Variants in PCNX1 observed in about 807,000 individuals in gnomAD.
PCNX1 encodes pecanex 1, also known as pecanex-like protein 1.
Under a neutral mutation model 242.2 loss-of-function variants are expected in PCNX1, and 78 were observed. That is an observed-to-expected ratio of 0.32 (90% CI 0.27 to 0.39). The LOEUF is 0.39. PCNX1 is among the 10% of genes least tolerant of loss of function. The pLI is 1.00. For missense variants in PCNX1, 2,581 were observed against 2,856.5 expected, an observed-to-expected ratio of 0.90 and a Z score of 2.20; for synonymous variants, 1,024 against 1,032.9, an observed-to-expected ratio of 0.99 and a Z score of 0.17.
intron 8 of PCNX1, among the ~76,000 whole-genome samples, chr14:71,004,480 T>A (rs1595206169): frequency 6.6e-6 from 1 of 152,344 alleles, no homozygotes; most frequent in East Asian, 1.9e-4. Context: ...ATGCAAGGGA[T>A]CTAGGTTGCC....
intron 24 of PCNX1, among the ~76,000 whole-genome samples, chr14:71,052,565 C>T (rs1472673336): frequency 6.9e-6 from 1 of 145,036 alleles, no homozygotes; most frequent in African/African-American, 2.6e-5. Flanking sequence ...TGAATATGTT[C>T]ATGTTTATAT....
intron 18 of PCNX1, 64 bp downstream of exon 18, chr14:71,034,100 G>A: frequency 1.2e-6 from 1 of 839,648 alleles, no homozygotes; most frequent in Non-Finnish European, 2.0e-6. Context: ...CATGTTATAT[G>A]AGGAACACTT....
At chr14:70,976,673 C>T (rs2058700948) in intron 5 of PCNX1, among the ~76,000 whole-genome samples, 1 of 152,000 alleles carries the variant, frequency 6.6e-6, no homozygotes, top group Admixed American at 6.6e-5. Flanking sequence ...GCGCCCGGCC[C>T]CTTTGTTTCC....
intron 12 of PCNX1, among the ~76,000 whole-genome samples, chr14:71,021,035 T>G (rs2060086406): frequency 2.0e-5 from 3 of 152,194 alleles, no homozygotes; most frequent in Admixed American, 1.3e-4. Flanking sequence ...CCCCATTGCT[T>G]GTTTTTGTCA....
chr14:71,065,707 G>A (rs2061429125), intron 26 of PCNX1, among the ~76,000 whole-genome samples: 1 of 152,134 alleles, frequency 6.6e-6, no homozygotes, highest in African/African-American at 2.4e-5. Context: ...GTCCTGAATG[G>A]TATTGTCTAG....
chr14:71,083,183 A>C (rs1201610938), intron 28 of PCNX1, among the ~76,000 whole-genome samples: 1 of 151,898 alleles, frequency 6.6e-6, no homozygotes. Flanking sequence ...ACTGGCCCTC[A>C]CTCTCTTCTG....
At chr14:71,017,357 CA>C (rs988070418) in intron 11 of PCNX1, among the ~76,000 whole-genome samples, 19 of 151,884 alleles carry the variant, frequency 1.3e-4, no homozygotes, top group African/African-American at 4.1e-4. Context: ...TTTCCATATG[CA>C]AAAAAATAGA....
At chr14:71,089,431 G>A (rs1191863917) in intron 30 of PCNX1, 89 bp downstream of exon 30, 3 of 967,446 alleles carry the variant, frequency 3.1e-6, no homozygotes, top group Admixed American at 4.3e-5. Context: ...TCACGCTGCT[G>A]TAAGGAATAC....
At chr14:71,034,872 C>G (rs1436684083) in intron 18 of PCNX1, among the ~76,000 whole-genome samples, 1 of 152,116 alleles carries the variant, frequency 6.6e-6, no homozygotes, top group Non-Finnish European at 1.5e-5. Flanking sequence ...TATTCTGAAT[C>G]TGGCTTATAA....
chr14:70,957,845 G>T (rs56316801), intron 2 of PCNX1, among the ~76,000 whole-genome samples: 26,758 of 98,216 alleles, frequency 0.27, 2,817 homozygotes, highest in African/African-American at 0.33. Context: ...TATATATATA[G>T]AGAGAGAGAG....
chr14:71,048,097 C>A, intron 22 of PCNX1, 113 bp downstream of exon 22: 1 of 643,192 alleles, frequency 1.6e-6, no homozygotes, highest in South Asian at 2.9e-5. Flanking sequence ...TAAGTAATAA[C>A]TCTCTTCAAC....
At chr14:70,980,798 C>T (rs1400919605) in intron 6 of PCNX1, among the ~76,000 whole-genome samples, 2 of 152,130 alleles carry the variant, frequency 1.3e-5, no homozygotes, top group Non-Finnish European at 2.9e-5. Flanking sequence ...GCTATCCTTC[C>T]TTACATACTG....
intron 26 of PCNX1, among the ~76,000 whole-genome samples, chr14:71,065,767 ATCCATC>A (rs1167270189): frequency 6.6e-6 from 1 of 152,170 alleles, no homozygotes; most frequent in African/African-American, 2.4e-5. Context: ...TACATCTTTA[ATCCATC>A]TTGAGTTAAT....
chr14:70,960,657 T>G (rs6573993), intron 2 of PCNX1, among the ~76,000 whole-genome samples: 3 of 151,434 alleles, frequency 2.0e-5, no homozygotes, highest in Non-Finnish European at 4.4e-5. Flanking sequence ...GTTGGAAGTT[T>G]TGGCCAGGGC....
intron 1 of PCNX1, among the ~76,000 whole-genome samples, chr14:70,941,967 A>G (rs983419763): frequency 2.0e-5 from 3 of 152,146 alleles, no homozygotes; most frequent in Non-Finnish European, 4.4e-5. Flanking sequence ...GTTGTTTGCT[A>G]AGACCATTGG....
intron 35 of PCNX1, 42 bp from the exon 36 acceptor site, chr14:71,109,753 A>C (rs747856257): frequency 6.2e-7 from 1 of 1,606,724 alleles, no homozygotes; most frequent in Non-Finnish European, 8.5e-7. Context: ...AGTATATTCC[A>C]GGTCTCCAGT....
rs564101765 is a variant in PCNX1 at position 71,019,123 on chromosome 14, C to T, written c.3111C>T (p.Phe1037=). 6.2e-7 allele frequency: 1 copy of T among 1,612,316 alleles called. No homozygotes were observed. The highest frequency in any genetic ancestry group is 1.7e-5 in the Admixed American group (1 of 59,838). The change falls in exon 12 of 36, where the codon TTC becomes TTT. Residue 1037 remains phenylalanine, a synonymous_variant. Transcript: ENST00000304743. The part of the protein sequence containing the change: ...GFFRDIWVFQ[F]CLVIASCQYS... The stretch of plus-strand genomic sequence containing the variant: ...TCAGAGATATCTGGGTCTTCCAGTT[C>T]TGCCTCGTCATAGCCAGCTGTCAAT...
At chr14:70,924,455 A>G (rs2056509190) in intron 1 of PCNX1, among the ~76,000 whole-genome samples, 1 of 152,150 alleles carries the variant, frequency 6.6e-6, no homozygotes, top group Non-Finnish European at 1.5e-5. Context: ...ATCATTATTA[A>G]CTTAAAGTTC....
At chr14:71,048,653 C>T (rs1377711948) in intron 22 of PCNX1, among the ~76,000 whole-genome samples, 1 of 152,128 alleles carries the variant, frequency 6.6e-6, no homozygotes, top group Non-Finnish European at 1.5e-5. Flanking sequence ...TACATTATCC[C>T]ATTTGATAGG....
Sources: allele counts gnomAD v4.1 joint callset (sites outside exome capture counted in the v4.1 genomes callset), GRCh38; gene constraint gnomAD v4.1.1; transcripts MANE v1.5; gene names NCBI Gene and HGNC (gene_info 2026-07-23, HGNC 2026-07-21).